The following CYP4F22 variants were observed in gnomAD, a reference collection of about 807,000 sequenced individuals.
The protein encoded by CYP4F22 is cytochrome P450 family 4 subfamily F member 22.
In CYP4F22, 37 loss-of-function variants were observed where a neutral mutation model predicts 60.4. The ratio of observed to expected loss-of-function variants is 0.61; its 90% CI spans 0.47 to 0.81. The LOEUF is 0.81. Ranked by LOEUF, CYP4F22 falls within the 30% of genes least tolerant of loss-of-function variation. The probability of loss-of-function intolerance (pLI) is 0.00; values close to 1 mark genes in which losing one functional copy is unlikely to be tolerated. For missense variants in CYP4F22, 655 were observed against 715.0 expected (o/e 0.92, Z 0.96); for synonymous variants, 258 against 280.5 (o/e 0.92, Z 0.80).
At position 15,525,395 on chromosome 19, in the gene CYP4F22, GCATATACGCGGTGTCCAC is replaced by G; in HGVS notation, c.61_78del (p.Ile21_Thr26del). ...CTGGGGCTGGAGAAGACGGCGTTCC[GCATATACGCGGTGTCCAC>G]CCTTCTCCTCTTCCTGCTCTTCTTC... On this transcript the variant is annotated inframe_deletion, in exon 3 of 14. Coordinates refer to ENST00000269703, the MANE Select transcript of CYP4F22 (RefSeq NM_173483.4). 6.2e-7 allele frequency: 1 copy of G among 1,614,074 alleles called. No individual in the cohort carries two copies. Among genetic ancestry groups the G allele is most frequent in the African/African-American group, 1.3e-5 (1 of 75,064 alleles).
At chr19:15,509,132 G>A (rs764982195) in intron 1 of CYP4F22, among the ~76,000 whole-genome samples, 1 of 152,154 alleles carries the variant, frequency 6.6e-6, no homozygotes, top group Non-Finnish European at 1.5e-5. Context: ...ATGAAAAGAC[G>A]GTGTTCTTCT....
intron 1 of CYP4F22, among the ~76,000 whole-genome samples, chr19:15,514,557 A>G (rs1304742553): frequency 1.3e-5 from 2 of 152,070 alleles, no homozygotes; most frequent in African/African-American, 4.8e-5. Flanking sequence ...GTGGTGGCCC[A>G]GCTACTCGGG....
Position 15,543,983 on chromosome 19 carries a change from A to G in CYP4F22, c.952A>G (p.Lys318Glu). ...VLLLARDEDGKELSDEDIRAE... is the reference protein window; with the variant it reads ...VLLLARDEDGEELSDEDIRAE... ...CTGCCCATTCCAGGATGAAGATGGA[A>G]AGGAACTGTCAGACGAGGATATCCG... is the stretch of plus-strand genomic sequence containing the variant. Residue 318 changes from lysine (K) to glutamate (E), a missense_variant, in exon 9 of 14, where the codon AAG becomes GAG. Around this residue, in one of 3 missense-constraint regions of CYP4F22, gnomAD observed 430 missense variants for 457.1 expected, o/e 0.94. Transcript: ENST00000269703. 1 of 1,614,084 alleles carries G rather than the reference A, an allele frequency of 6.2e-7. No individual in the cohort carries two copies. Among genetic ancestry groups the G allele is most frequent in the Non-Finnish European group, 8.5e-7 (1 of 1,180,014 alleles).
chr19:15,509,347 G>A (rs897875742), intron 1 of CYP4F22, among the ~76,000 whole-genome samples: 1 of 152,132 alleles, frequency 6.6e-6, no homozygotes, highest in Non-Finnish European at 1.5e-5. Flanking sequence ...TGGTTCATCT[G>A]CCCGCTCACA....
chr19:15,545,274 A>C (rs1331067804), intron 10 of CYP4F22, among the ~76,000 whole-genome samples: 1 of 152,142 alleles, frequency 6.6e-6, no homozygotes, highest in Non-Finnish European at 1.5e-5. Flanking sequence ...TAATTCAGGG[A>C]GGAAGTGGAG....
At position 15,544,953 on chromosome 19, in the gene CYP4F22, C is replaced by T. The variant is rs565195536; in HGVS notation, c.1136+674C>T. 5.3e-5 allele frequency among the ~76,000 whole-genome samples: 8 copies of T among 152,204 alleles called. No individual in the cohort carries two copies. The South Asian group carries it at 1.0e-3, about 20-fold the overall frequency. ...ATGGGTGCCTGTAATCCCCCCTACTCGGGAGGCTGAGACAGGAGAATCACT... is the reference window on the plus strand; with the variant it reads ...ATGGGTGCCTGTAATCCCCCCTACTTGGGAGGCTGAGACAGGAGAATCACT... On this transcript the variant is annotated intron_variant, in intron 10 of 13. Coordinates refer to ENST00000269703, the MANE Select transcript of CYP4F22 (RefSeq NM_173483.4).
At chr19:15,536,168 G>C (rs1971392226) in intron 4 of CYP4F22, among the ~76,000 whole-genome samples, 3 of 152,014 alleles carry the variant, frequency 2.0e-5, no homozygotes, top group Admixed American at 2.0e-4. Context: ...GCGATACCCT[G>C]TCCATACACA....
In CYP4F22 at chr19:15,537,961, ATG is replaced by A. The variant is rs1568360554; in HGVS notation, c.643_644del (p.Val215LeufsTer13). ...SLMTLDSLQKCVFSYNSNCQE... is the reference protein window; with the variant it reads ...SLMTLDSLQKXVFSYNSNCQE... ...TCATGACCCTGGACAGTCTTCAGAA[ATG>A]TGTCTTCAGCTACAACAGCAACTGC... On this transcript the variant is annotated frameshift_variant, in exon 7 of 14. Coordinates refer to ENST00000269703, the MANE Select transcript of CYP4F22 (RefSeq NM_173483.4). LOFTEE classifies it high-confidence loss of function. The A allele has an allele frequency of 6.2e-7, 1 of 1,614,136 alleles. No homozygotes were observed. Among genetic ancestry groups the A allele is most frequent in the Admixed American group, 1.7e-5 (1 of 60,026 alleles).
intron 2 of CYP4F22, among the ~76,000 whole-genome samples, chr19:15,524,816 C>A (rs950365652): frequency 6.6e-6 from 1 of 151,890 alleles, no homozygotes; most frequent in Non-Finnish European, 1.5e-5. Context: ...TTGTGTTATG[C>A]GAATCTCATC....
At chr19:15,508,635 G>C (rs1418070247) in intron 1 of CYP4F22, 52 bp downstream of exon 1, 1 of 152,174 alleles carries the variant, frequency 6.6e-6, no homozygotes, top group South Asian at 2.1e-4. Flanking sequence ...GCGGCGCTGC[G>C]CTGGAACCCG....
rs551530110 is a variant in CYP4F22 at position 15,551,901 on chromosome 19, C to T, written c.*430C>T. The T allele has an allele frequency of 4.4e-5, 8 of 181,540 alleles. No homozygotes were observed. Among genetic ancestry groups the T allele is most frequent in the Admixed American group, 1.7e-4 (3 of 18,092 alleles). The allele number at this position is 181,540 out of a possible 1,614,324, so 11.2% of individuals were successfully genotyped here. A position where few individuals can be genotyped will look rare whatever the true frequency, so the allele number is the denominator to read the frequency against. On this transcript the variant is annotated 3_prime_UTR_variant, in exon 14 of 14. Coordinates refer to ENST00000269703, the MANE Select transcript of CYP4F22 (RefSeq NM_173483.4). ...AGGGCCCACCACACCCCACCCCCCC[C>T]CAACTGGCTGAACCCCTGGCAGGCT...
chr19:15,550,288 C>CA lies in CYP4F22; in HGVS notation c.1336-383dup, dbSNP rs560200264. Among the ~76,000 whole-genome samples, 110 of 145,554 alleles carry CA rather than the reference C, an allele frequency of 7.6e-4. 4 individuals are homozygous for CA. In the South Asian group the frequency reaches 0.022, roughly 29 times the overall value. On this transcript the variant is annotated intron_variant, in intron 12 of 13. Coordinates refer to ENST00000269703, the MANE Select transcript of CYP4F22 (RefSeq NM_173483.4). ...AGCCTGAGTGAGACTCTGACTCTAA[C>CA]AAACAAACAAACAAACAAAGACAGA...
intron 8 of CYP4F22, among the ~76,000 whole-genome samples, chr19:15,541,953 A>G (rs1311219854): frequency 6.6e-6 from 1 of 151,670 alleles, no homozygotes; most frequent in Non-Finnish European, 1.5e-5. Context: ...GTGTCTGTGG[A>G]CCTTTTGGGT....
At position 15,525,488 on chromosome 19, in the gene CYP4F22, T is replaced by A; in HGVS notation, c.152T>A (p.Ile51Asn). Reference protein sequence around the residue: ...RFLRLCRSFYITCRRLRCFPQ... With the variant: ...RFLRLCRSFYNTCRRLRCFPQ... ...CTGAGGCTCTGCAGGAGCTTCTACA[T>A]CACCTGCCGCCGGCTGCGCTGCTTC... Residue 51 changes from isoleucine to asparagine, a missense_variant, in exon 3 of 14, where the codon ATC becomes AAC. Transcript: ENST00000269703. 1 of 1,613,718 alleles carries A rather than the reference T, an allele frequency of 6.2e-7. No homozygotes were observed. Among genetic ancestry groups the A allele is most frequent in the Non-Finnish European group, 8.5e-7 (1 of 1,179,916 alleles).
intron 4 of CYP4F22, among the ~76,000 whole-genome samples, chr19:15,534,410 C>T (rs1014189947): frequency 6.6e-6 from 1 of 152,118 alleles, no homozygotes; most frequent in African/African-American, 2.4e-5. Flanking sequence ...ATGCTGGCAC[C>T]ATGTGGGGGT....
intron 10 of CYP4F22, among the ~76,000 whole-genome samples, chr19:15,545,683 A>AAAAGT (rs1971517952): frequency 1.7e-5 from 1 of 58,760 alleles, no homozygotes; most frequent in African/African-American, 8.8e-5. Context: ...AAAAGAAAAG[A>AAAAGT]AAAGAAAAGA....
At chr19:15,509,904 C>CCTTTCCTTCCTTCCTTCTTTCTTT (rs1971066504) in intron 1 of CYP4F22, among the ~76,000 whole-genome samples, 1 of 86,784 alleles carries the variant, frequency 1.2e-5, no homozygotes, top group Non-Finnish European at 2.5e-5. Context: ...TTCCTTCCTT[C>CCTTTCCTTCCTTCCTTCTTTCTTT]CTTTCTTTCT....
Position 15,538,096 on chromosome 19 carries a change from G to A in CYP4F22, c.671+103G>A, listed in dbSNP as rs946559510. The A allele has an allele frequency of 5.9e-6, 9 of 1,526,938 alleles. No individual in the cohort carries two copies. In the East Asian group the frequency reaches 1.8e-4, roughly 31 times the overall value. 94.6% of individuals were successfully genotyped at this position (1,526,938 alleles called of 1,614,324 possible). ...GGCATTAGACAACTCTGGCCTATGG[G>A]AGCTCTGCCACGGATGGGCCATGTG... On this transcript the variant is annotated intron_variant, in intron 7 of 13. Transcript: ENST00000269703.
chr19:15,545,802 G>A (rs1314747), intron 10 of CYP4F22, among the ~76,000 whole-genome samples: 4,966 of 152,138 alleles, frequency 0.033, 278 homozygotes, highest in African/African-American at 0.11. Context: ...CATGCTCAGT[G>A]GGGTGCTACT....
Sources: gnomAD v4.1 joint callset for allele counts (sites outside exome capture counted in the v4.1 genomes callset) on GRCh38, gnomAD v4.1.1 for gene constraint, gnomAD v4.1.1 regional missense constraint, MANE v1.5 for transcripts, NCBI Gene and HGNC (gene_info 2026-07-23, HGNC 2026-07-21) for gene names.